PCDHA4: variants seen among roughly 807,000 people sequenced by gnomAD.
The protein encoded by PCDHA4 is protocadherin alpha 4.
Under a neutral mutation model 61.4 loss-of-function variants are expected in PCDHA4, and 49 were observed. The ratio of observed to expected loss-of-function variants is 0.80; its 90% confidence interval spans 0.63 to 1.01. PCDHA4 has a LOEUF of 1.01. Among genes scored for constraint, PCDHA4 ranks in the 50% least tolerant of loss-of-function variants. The pLI is 0.00. For synonymous variants in PCDHA4, 590 were observed against 550.3 expected (o/e 1.07, Z -1.01); for missense variants, 1,254 against 1,235.8 (o/e 1.01, Z -0.22).
chr5:140,940,770 T>A (rs560965178), intron 1 of PCDHA4, among the ~76,000 whole-genome samples: 5 of 152,270 alleles, frequency 3.3e-5, no homozygotes, highest in Non-Finnish European at 7.3e-5. Context: ...ATTTGACTTT[T>A]GATGGTCCAT....
chr5:140,937,493 C>T (rs1158473278), intron 1 of PCDHA4, among the ~76,000 whole-genome samples: 3 of 152,020 alleles, frequency 2.0e-5, no homozygotes, highest in Non-Finnish European at 2.9e-5. Flanking sequence ...GGCACATACC[C>T]GTAATCCCAG....
chr5:140,928,959 T>C (rs782250969), intron 1 of PCDHA4: 1 of 1,613,980 alleles, frequency 6.2e-7, no homozygotes, highest in South Asian at 1.1e-5. Context: ...TTGCCTTGGC[T>C]TGTATTTCCT....
intron 1 of PCDHA4, chr5:140,816,776 T>C (rs1333175713): frequency 6.6e-6 from 1 of 152,120 alleles, no homozygotes; most frequent in East Asian, 1.9e-4. Flanking sequence ...TAATTCCTAA[T>C]TAGAGGGATC....
At chr5:140,877,096 G>T in intron 1 of PCDHA4, 3 of 1,613,378 alleles carry the variant, frequency 1.9e-6, no homozygotes, top group Non-Finnish European at 2.5e-6. Context: ...CGACGCCGGC[G>T]TGCCGCCTCT....
intron 1 of PCDHA4, among the ~76,000 whole-genome samples, chr5:140,922,817 G>A (rs1554200973): frequency 1.3e-5 from 2 of 152,218 alleles, no homozygotes; most frequent in Non-Finnish European, 2.9e-5. Context: ...AGGAGATACA[G>A]CATACTGCTA....
At chr5:140,895,038 C>G (rs1554186328) in intron 1 of PCDHA4, among the ~76,000 whole-genome samples, 1 of 152,104 alleles carries the variant, frequency 6.6e-6, no homozygotes, top group African/African-American at 2.4e-5. Context: ...TGTCCCCCAC[C>G]CACACCATTC....
rs1563652468 is a variant in PCDHA4, at chr5:141,000,419, A to ATTT, written c.2534-9207_2534-9206insTTT. 1.8e-3 allele frequency among the ~76,000 whole-genome samples: 107 copies of ATTT among 60,980 alleles called. 1 individual carries two copies. The highest frequency in any genetic ancestry group is 3.1e-3 in the African/African-American group (41 of 13,160). 40.0% of individuals were successfully genotyped at this position (60,980 alleles called of 152,430 possible). ...TCTATATATATATATATATATATAT[A>ATTT]TATTTTTTTTTTTTTTTTTTTTTTT... On this transcript the variant is annotated intron_variant, in intron 3 of 3. Transcript: ENST00000530339.
At chr5:140,885,073 T>TA (rs1196857475) in intron 1 of PCDHA4, among the ~76,000 whole-genome samples, 2 of 152,226 alleles carry the variant, frequency 1.3e-5, no homozygotes, top group African/African-American at 4.8e-5. Context: ...GATATTATTT[T>TA]AAAGAGCCCC....
At chr5:140,960,279 T>A (rs1220391317) in intron 1 of PCDHA4, among the ~76,000 whole-genome samples, 1 of 152,216 alleles carries the variant, frequency 6.6e-6, no homozygotes, top group African/African-American at 2.4e-5. Flanking sequence ...GTCACCTTTT[T>A]GGGACCCAGT....
intron 1 of PCDHA4, chr5:140,870,757 GT>G: frequency 6.2e-7 from 1 of 1,613,572 alleles, no homozygotes; most frequent in Non-Finnish European, 8.5e-7. Context: ...GACGCTGCAG[GT>G]GTTCGTGCTG....
intron 1 of PCDHA4, among the ~76,000 whole-genome samples, chr5:140,925,768 G>A (rs1018599372): frequency 6.6e-6 from 1 of 151,870 alleles, no homozygotes; most frequent in Admixed American, 6.6e-5. Flanking sequence ...TAGTTTCCTG[G>A]TCAAACTCTA....
At position 141,010,190 on chromosome 5, in the gene PCDHA4, CCTTT is replaced by C. The variant is rs763940360; in HGVS notation, c.*256_*259del. On this transcript the variant is annotated 3_prime_UTR_variant, in exon 4 of 4. Coordinates refer to ENST00000530339, the MANE Select transcript of PCDHA4 (RefSeq NM_018907.4). ...GAACCTAAAAAGCAGACCCAAGTTT[CCTTT>C]CTCCTCCGCCGCAAAGGAGAGGCTT... 6.4e-7 allele frequency: 1 copy of C among 1,552,504 alleles called. No individual in the cohort carries two copies. Among genetic ancestry groups the C allele is most frequent in the Non-Finnish European group, 8.7e-7 (1 of 1,147,234 alleles).
chr5:140,996,737 T>G (rs887382236), intron 3 of PCDHA4, among the ~76,000 whole-genome samples: 3 of 152,166 alleles, frequency 2.0e-5, no homozygotes, highest in Non-Finnish European at 2.9e-5. Context: ...ACAAAAGTCA[T>G]AACAAATTAT....
At chr5:140,925,854 G>C (rs1333353083) in intron 1 of PCDHA4, among the ~76,000 whole-genome samples, 1 of 152,014 alleles carries the variant, frequency 6.6e-6, no homozygotes, top group African/African-American at 2.4e-5. Flanking sequence ...TGAGTTTCTA[G>C]TTATTGCTAT....
At chr5:140,892,350 T>C (rs1195187313) in intron 1 of PCDHA4, among the ~76,000 whole-genome samples, 1 of 152,262 alleles carries the variant, frequency 6.6e-6, no homozygotes, top group Non-Finnish European at 1.5e-5. Context: ...AATTGACTTT[T>C]GCCAGGCATC....
chr5:140,881,369 T>C (rs2058687376), intron 1 of PCDHA4: 2 of 985,186 alleles, frequency 2.0e-6, no homozygotes, highest in Non-Finnish European at 2.4e-6. Flanking sequence ...TTCGTATGAA[T>C]TGCAGCCGGC....
At chr5:140,829,882 T>G (rs2150176879) in intron 1 of PCDHA4, 871,135 of 1,613,724 alleles carry the variant, frequency 0.54, 237,229 homozygotes, top group African/African-American at 0.72. Flanking sequence ...TGCGCGCAGT[T>G]GACGCCGACT....
At chr5:140,849,595 C>T (rs2150441932) in intron 1 of PCDHA4, 1 of 1,598,688 alleles carries the variant, frequency 6.3e-7, no homozygotes, top group South Asian at 1.1e-5. Flanking sequence ...CAACTGGGGA[C>T]AGTTATTGCC....
intron 1 of PCDHA4, chr5:140,822,175 A>T: frequency 6.2e-7 from 1 of 1,614,258 alleles, no homozygotes; most frequent in Non-Finnish European, 8.5e-7. Context: ...CAGGTTCTCC[A>T]GACAAGAACA....
Sources: allele counts gnomAD v4.1 joint callset (sites outside exome capture counted in the v4.1 genomes callset), GRCh38; gene constraint gnomAD v4.1.1; transcripts MANE v1.5; gene names NCBI Gene and HGNC (gene_info 2026-07-23, HGNC 2026-07-21).